C5AR1: variants seen among roughly 807,000 people sequenced by gnomAD.
C5AR1 encodes the protein complement C5a receptor 1.
C5AR1 carries 4 observed loss-of-function variants against 2.4 expected under a neutral mutation model. That is an observed-to-expected ratio of 1.65 (90% CI 0.81 to 3.77). The LOEUF (loss-of-function observed/expected upper bound fraction) is 3.77. Among genes scored for constraint, C5AR1 ranks in the 30% most tolerant of loss-of-function variants. The probability of loss-of-function intolerance (pLI) is 0.01; values close to 1 mark genes in which losing one functional copy is unlikely to be tolerated. For synonymous variants in C5AR1, 209 were observed against 210.4 expected (o/e 0.99, Z 0.06); for missense variants, 418 against 462.5 (o/e 0.90, Z 0.88).
upstream of C5AR1, among the ~76,000 whole-genome samples, chr19:47,307,923 C>T (rs1415483791): frequency 3.9e-5 from 6 of 151,908 alleles, no homozygotes; most frequent in East Asian, 9.8e-4. Flanking sequence ...CTCATAAGAG[C>T]GTGAACCCAG....
upstream of C5AR1, among the ~76,000 whole-genome samples, chr19:47,308,524 GA>G (rs1198883364): frequency 6.6e-6 from 1 of 151,650 alleles, no homozygotes; most frequent in Non-Finnish European, 1.5e-5. Flanking sequence ...ACCCTAGAAG[GA>G]TGATTTTTTT....
intron 1 of C5AR1, among the ~76,000 whole-genome samples, chr19:47,318,158 G>A (rs759467693): frequency 6.6e-6 from 1 of 152,066 alleles, no homozygotes; most frequent in Non-Finnish European, 1.5e-5. Flanking sequence ...CTCACCTCTT[G>A]GAAATGGTCA....
At chr19:47,311,201 CAAATGAT>C (rs2059269207) in intron 1 of C5AR1, among the ~76,000 whole-genome samples, 1 of 151,664 alleles carries the variant, frequency 6.6e-6, no homozygotes, top group South Asian at 2.1e-4. Context: ...TCCAAAGTAC[CAAATGAT>C]ACTTGGTAAA....
intron 1 of C5AR1, among the ~76,000 whole-genome samples, chr19:47,315,174 C>T (rs1466921042): frequency 6.6e-6 from 1 of 152,198 alleles, no homozygotes; most frequent in African/African-American, 2.4e-5. Flanking sequence ...TGAGCCACTG[C>T]ACCTGGCCAA....
At chr19:47,309,368 GT>G (rs930781154), upstream of C5AR1, among the ~76,000 whole-genome samples, 1 of 152,034 alleles carries the variant, frequency 6.6e-6, no homozygotes, top group African/African-American at 2.4e-5. Context: ...GAGCTCAGGA[GT>G]TTGAGTCCAG....
intron 1 of C5AR1, among the ~76,000 whole-genome samples, chr19:47,313,573 C>T (rs1027987827): frequency 6.6e-6 from 1 of 151,740 alleles, no homozygotes; most frequent in African/African-American, 2.4e-5. Flanking sequence ...ACGGTGAAAC[C>T]CTGTCTCTAC....
At position 47,320,681 on chromosome 19, in the gene C5AR1, G is replaced by A. The variant is rs770842607; in HGVS notation, c.904G>A (p.Val302Met). The A allele has an allele frequency of 3.1e-6, 5 of 1,614,116 alleles. No homozygotes were observed. Among genetic ancestry groups the A allele is most frequent in the Admixed American group, 3.3e-5 (2 of 60,004 alleles). ...NCCINPIIYV[V>M]AGQGFQGRLR... The stretch of plus-strand genomic sequence containing the variant: ...CTGCATCAACCCCATCATCTACGTG[G>A]TGGCCGGCCAGGGCTTCCAGGGCCG... Residue 302 changes from valine to methionine, a missense_variant, in exon 2 of 2, where the codon GTG (valine) becomes ATG (methionine). Transcript: ENST00000355085. This position sits in a 1 kb window ranked among gnomAD's most constrained non-coding sequence, Gnocchi z 4.9.
intron 1 of C5AR1, among the ~76,000 whole-genome samples, chr19:47,317,519 A>T (rs4994566): frequency 1.4e-3 from 181 of 133,390 alleles, no homozygotes; most frequent in Admixed American, 5.6e-3. Context: ...AAAAAAAAAA[A>T]ATATATATAT....
intron 1 of C5AR1, among the ~76,000 whole-genome samples, chr19:47,311,899 T>C (rs11668733): frequency 0.33 from 49,454 of 151,956 alleles, 8,343 homozygotes; most frequent in East Asian, 0.48. Flanking sequence ...CTACCCTACC[T>C]GGGGCAACCA....
At position 47,320,506 on chromosome 19, in the gene C5AR1, G is replaced by A. The variant is rs2059306293; in HGVS notation, c.729G>A (p.Val243=). 1.2e-6 allele frequency: 2 copies of A among 1,614,030 alleles called. No individual in the cohort carries two copies. The highest frequency in any genetic ancestry group is 1.1e-5 in the South Asian group (1 of 91,070). The change falls in exon 2 of 2, where the codon GTG becomes GTA. Residue 243 remains valine (V), a synonymous_variant. Transcript: ENST00000355085. The surrounding 1 kb of genome is among the most constrained non-coding windows in gnomAD (Gnocchi z 4.9). ...RATRSTKTLK[V]VVAVVASFFI... Reference sequence around the variant, plus strand: ...CGCGGTCCACCAAGACACTCAAGGTGGTGGTGGCAGTGGTGGCCAGTTTCT... The same window carrying A: ...CGCGGTCCACCAAGACACTCAAGGTAGTGGTGGCAGTGGTGGCCAGTTTCT...
At chr19:47,317,483 G>A (rs1338589725) in intron 1 of C5AR1, among the ~76,000 whole-genome samples, 1 of 144,956 alleles carries the variant, frequency 6.9e-6, no homozygotes, top group Non-Finnish European at 1.5e-5. Context: ...GCTACAGCCT[G>A]GGTGACAGAG....
chr19:47,314,104 G>A (rs550265739), intron 1 of C5AR1, among the ~76,000 whole-genome samples: 30 of 152,236 alleles, frequency 2.0e-4, no homozygotes, highest in African/African-American at 5.3e-4. Context: ...TCCAATCTCC[G>A]TTTCCTCCCA....
intron 1 of C5AR1, among the ~76,000 whole-genome samples, chr19:47,312,101 T>A (rs1388002932): frequency 6.6e-6 from 1 of 152,162 alleles, no homozygotes; most frequent in Admixed American, 6.6e-5. Flanking sequence ...CTTTTTGTTT[T>A]TTGAGACAGT....
At chr19:47,312,544 T>C (rs1410337173) in intron 1 of C5AR1, among the ~76,000 whole-genome samples, 1 of 152,248 alleles carries the variant, frequency 6.6e-6, no homozygotes, top group African/African-American at 2.4e-5. Flanking sequence ...CCCAGCCTTA[T>C]AAATGGCAGT....
At chr19:47,312,069 C>T (rs1461725748) in intron 1 of C5AR1, among the ~76,000 whole-genome samples, 7 of 152,150 alleles carry the variant, frequency 4.6e-5, no homozygotes, top group African/African-American at 1.2e-4. Flanking sequence ...GATCTGTCCT[C>T]TCCGTGCTTC....
intron 1 of C5AR1, among the ~76,000 whole-genome samples, chr19:47,310,207 A>T (rs1045501648): frequency 6.6e-6 from 1 of 152,116 alleles, no homozygotes; most frequent in Non-Finnish European, 1.5e-5. Flanking sequence ...TAGTAAGGTG[A>T]CTAAGAATTC....
At chr19:47,308,574 G>A (rs1205721239), upstream of C5AR1, among the ~76,000 whole-genome samples, 2 of 144,814 alleles carry the variant, frequency 1.4e-5, no homozygotes, top group Non-Finnish European at 3.0e-5. Context: ...TTTTTTTTGA[G>A]ATTGAGTCTT....
At position 47,321,831 on chromosome 19, in the gene C5AR1, A is replaced by G. The variant is rs1273663862; in HGVS notation, c.*1001A>G. 3 of 152,128 alleles carry G rather than the reference A, an allele frequency of 2.0e-5. No individual in the cohort carries two copies. The highest frequency in any genetic ancestry group is 3.8e-4 in the East Asian group (2 of 5,196). 9.4% of individuals were successfully genotyped at this position (152,128 alleles called of 1,614,324 possible). A position where few individuals can be genotyped will look rare whatever the true frequency, so the allele number is the denominator to read the frequency against. The stretch of plus-strand genomic sequence containing the variant: ...ATAACCAGGATATTGACATTGATAC[A>G]GTGAAGATACAGGACATTCTCATCA... On this transcript the variant is annotated 3_prime_UTR_variant, in exon 2 of 2. Coordinates refer to ENST00000355085, the MANE Select transcript of C5AR1 (RefSeq NM_001736.4).
At chr19:47,313,120 C>T (rs191315854) in intron 1 of C5AR1, among the ~76,000 whole-genome samples, 2 of 152,120 alleles carry the variant, frequency 1.3e-5, no homozygotes, top group Admixed American at 6.5e-5. Flanking sequence ...ATCACAGGTG[C>T]GTGCCACCAC....
Sources: gnomAD v4.1 joint callset for allele counts (sites outside exome capture counted in the v4.1 genomes callset) on GRCh38, gnomAD v4.1.1 for gene constraint, Gnocchi (gnomAD v3.1) non-coding constraint, MANE v1.5 for transcripts, NCBI Gene and HGNC (gene_info 2026-07-23, HGNC 2026-07-21) for gene names.